ROR1: variants seen among roughly 807,000 people sequenced by gnomAD.
ROR1 encodes inactive tyrosine-protein kinase transmembrane receptor ROR1.
ROR1 carries 19 observed loss-of-function variants against 78.8 expected under a neutral mutation model. The ratio of observed to expected loss-of-function variants is 0.24; its 90% CI spans 0.17 to 0.35. The LOEUF (loss-of-function observed/expected upper bound fraction) is 0.35, where lower values mean the gene tolerates loss of function less well. Ranked by LOEUF, ROR1 falls within the 10% of genes least tolerant of loss-of-function variation. The probability of loss-of-function intolerance (pLI) is 1.00; values close to 1 mark genes in which losing one functional copy is unlikely to be tolerated. For synonymous variants in ROR1, 386 were observed against 433.6 expected, an observed-to-expected ratio of 0.89 and a Z score of 1.36; for missense variants, 917 against 1,177.8, an observed-to-expected ratio of 0.78 and a Z score of 3.24.
At chr1:63,836,893 T>G (rs1310239360) in intron 1 of ROR1, among the ~76,000 whole-genome samples, 1 of 152,172 alleles carries the variant, frequency 6.6e-6, no homozygotes, top group Non-Finnish European at 1.5e-5. Flanking sequence ...TGCTAAAGGC[T>G]GACAACCACA....
At chr1:63,941,141 G>A (rs1645836097) in intron 1 of ROR1, among the ~76,000 whole-genome samples, 1 of 152,146 alleles carries the variant, frequency 6.6e-6, no homozygotes, top group African/African-American at 2.4e-5. Context: ...TGGGTTTTGT[G>A]CTGGAGGGTA....
intron 1 of ROR1, among the ~76,000 whole-genome samples, chr1:63,922,560 A>G (rs1645665211): frequency 2.0e-5 from 3 of 152,192 alleles, no homozygotes; most frequent in Non-Finnish European, 4.4e-5. Flanking sequence ...GAATTGTTCC[A>G]GAATTCTTTG....
chr1:63,862,384 A>C (rs1645187305), intron 1 of ROR1, among the ~76,000 whole-genome samples: 1 of 122,970 alleles, frequency 8.1e-6, no homozygotes, highest in Non-Finnish European at 1.6e-5. Flanking sequence ...ACAGAGTGAG[A>C]CTGTCTCAAA....
intron 1 of ROR1, among the ~76,000 whole-genome samples, chr1:63,850,410 A>C (rs1645106985): frequency 6.6e-6 from 1 of 152,232 alleles, no homozygotes; most frequent in African/African-American, 2.4e-5. Flanking sequence ...TAGAGTATGC[A>C]TGTCTTCGGC....
chr1:63,820,563 C>A (rs1644917852), intron 1 of ROR1, among the ~76,000 whole-genome samples: 1 of 152,162 alleles, frequency 6.6e-6, no homozygotes, highest in Admixed American at 6.6e-5. Context: ...ACCTTGCAGT[C>A]ATTTCTGCTA....
chr1:64,074,805 T>C (rs1935107), intron 4 of ROR1, among the ~76,000 whole-genome samples: 56,317 of 152,080 alleles, frequency 0.37, 13,985 homozygotes, highest in African/African-American at 0.71. Context: ...ACTTAATAAC[T>C]GAGCAACAAT....
intron 4 of ROR1, among the ~76,000 whole-genome samples, chr1:64,092,433 A>G (rs1647207122): frequency 6.6e-6 from 1 of 152,060 alleles, no homozygotes; most frequent in Non-Finnish European, 1.5e-5. Flanking sequence ...TGTCATCTGT[A>G]AATAGGGAAG....
At chr1:63,861,055 A>C (rs1645178857) in intron 1 of ROR1, among the ~76,000 whole-genome samples, 1 of 152,084 alleles carries the variant, frequency 6.6e-6, no homozygotes, top group Admixed American at 6.5e-5. Flanking sequence ...TGAGTGAGTT[A>C]AATTAGGTTG....
At chr1:63,803,991 G>C (rs1459987122) in intron 1 of ROR1, among the ~76,000 whole-genome samples, 5 of 152,070 alleles carry the variant, frequency 3.3e-5, no homozygotes, top group Non-Finnish European at 7.4e-5. Context: ...AAAATTATGA[G>C]ACATTAAAAA....
intron 1 of ROR1, among the ~76,000 whole-genome samples, chr1:63,812,030 A>T (rs1458048267): frequency 6.9e-6 from 1 of 143,968 alleles, no homozygotes. Flanking sequence ...GTGTGATCTC[A>T]GCTCACTGCA....
chr1:63,990,611 C>A (rs950501447), intron 1 of ROR1, among the ~76,000 whole-genome samples: 1 of 152,090 alleles, frequency 6.6e-6, no homozygotes, highest in African/African-American at 2.4e-5. Flanking sequence ...AATCCCAAAC[C>A]TCTATTCCTG....
chr1:64,101,620 G>C (rs1557652282), intron 4 of ROR1, among the ~76,000 whole-genome samples: 1 of 152,160 alleles, frequency 6.6e-6, no homozygotes, highest in Admixed American at 6.5e-5. Flanking sequence ...TCTATTGCTT[G>C]TGGAGCTTAC....
At chr1:64,148,288 G>A (rs919325613) in intron 7 of ROR1, among the ~76,000 whole-genome samples, 37 of 152,060 alleles carry the variant, frequency 2.4e-4, no homozygotes, top group African/African-American at 8.9e-4. Context: ...ACTCACATCT[G>A]TACTCAGCCT....
At chr1:64,158,751 G>A (rs934008640) in intron 7 of ROR1, among the ~76,000 whole-genome samples, 4 of 152,138 alleles carry the variant, frequency 2.6e-5, no homozygotes, top group Non-Finnish European at 5.9e-5. Context: ...TCTTCATAAT[G>A]TCCCTCTGCA....
chr1:63,838,012 T>G (rs950697708), intron 1 of ROR1, among the ~76,000 whole-genome samples: 5 of 152,150 alleles, frequency 3.3e-5, no homozygotes, highest in African/African-American at 1.2e-4. Context: ...TGTAATGTTG[T>G]AGTACAGTGT....
intron 4 of ROR1, among the ~76,000 whole-genome samples, chr1:64,056,669 C>G (rs1646877424): frequency 6.9e-6 from 1 of 144,552 alleles, no homozygotes; most frequent in Non-Finnish European, 1.5e-5. Context: ...GAGCAAGACT[C>G]TATCTCCAAA....
chr1:63,803,921 A>G (rs1002545647), intron 1 of ROR1, among the ~76,000 whole-genome samples: 4 of 152,226 alleles, frequency 2.6e-5, no homozygotes, highest in Non-Finnish European at 5.9e-5. Context: ...TCCAAAGGGA[A>G]TTGTGCTGAG....
Position 63,850,682 on chromosome 1 carries a change from T to C in ROR1, c.91+76174T>C, listed in dbSNP as rs144059625. Among the ~76,000 whole-genome samples, 9 of 152,318 alleles carry C rather than the reference T, an allele frequency of 5.9e-5. No individual in the cohort carries two copies. The East Asian group carries it at 9.6e-4, about 16-fold the overall frequency. On this transcript the variant is annotated intron_variant, in intron 1 of 8. Coordinates refer to ENST00000371079, the MANE Select transcript of ROR1 (RefSeq NM_005012.4). ...TGTTCTAGCTGTATTGTTCTAGCTATATTATAGGGCAGATTTGAGTTTCTG... is the reference window on the plus strand; with the variant it reads ...TGTTCTAGCTGTATTGTTCTAGCTACATTATAGGGCAGATTTGAGTTTCTG...
chr1:64,121,601 C>A (rs1287673355), intron 4 of ROR1, among the ~76,000 whole-genome samples: 2 of 144,814 alleles, frequency 1.4e-5, no homozygotes, highest in African/African-American at 5.0e-5. Flanking sequence ...GTATTTTAAA[C>A]AACATTGTTT....
Sources: gnomAD v4.1 joint callset for allele counts (sites outside exome capture counted in the v4.1 genomes callset) on GRCh38, gnomAD v4.1.1 for gene constraint, MANE v1.5 for transcripts, NCBI Gene and HGNC (gene_info 2026-07-23, HGNC 2026-07-21) for gene names.